The following MEP1A variants were observed in gnomAD, a reference collection of about 807,000 sequenced individuals.
MEP1A encodes the protein meprin A subunit alpha, also known as N-benzoyl-L-tyrosyl-P-amino-benzoic acid hydrolase subunit alpha.
MEP1A carries 68 observed loss-of-function variants against 84.5 expected under a neutral mutation model. The ratio of observed to expected loss-of-function variants is 0.80; its 90% CI spans 0.66 to 0.98. MEP1A has a LOEUF of 0.98. Among genes scored for constraint, MEP1A ranks in the 50% least tolerant of loss-of-function variants. MEP1A has a pLI of 0.00. For missense variants in MEP1A, 887 were observed against 919.9 expected, an observed-to-expected ratio of 0.96 and a Z score of 0.46; for synonymous variants, 337 against 336.8, an observed-to-expected ratio of 1.00 and a Z score of -0.01.
chr6:46,800,600 G>T (rs754913822), intron 5 of MEP1A, among the ~76,000 whole-genome samples: 1 of 152,146 alleles, frequency 6.6e-6, no homozygotes, highest in Non-Finnish European at 1.5e-5. Flanking sequence ...GTCACCTTTA[G>T]TGTTAAAGTT....
At chr6:46,814,733 A>C (rs1465449830) in intron 6 of MEP1A, among the ~76,000 whole-genome samples, 2 of 152,088 alleles carry the variant, frequency 1.3e-5, no homozygotes, top group Non-Finnish European at 2.9e-5. Context: ...TTTGTCCCAC[A>C]GGGTGCTCCC....
At chr6:46,843,841 T>C (rs1768374341), downstream of MEP1A, among the ~76,000 whole-genome samples, 1 of 152,220 alleles carries the variant, frequency 6.6e-6, no homozygotes, top group South Asian at 2.1e-4. Context: ...TGTATTTGGG[T>C]AAACTGAGGC....
chr6:46,835,110 C>A, intron 12 of MEP1A, 139 bp from the exon 13 acceptor site: 1 of 733,604 alleles, frequency 1.4e-6, no homozygotes, highest in Non-Finnish European at 2.2e-6. Flanking sequence ...TGGGAATCAG[C>A]TGGATTCAAA....
At chr6:46,842,960 A>G (rs1286506519), downstream of MEP1A, among the ~76,000 whole-genome samples, 1 of 152,172 alleles carries the variant, frequency 6.6e-6, no homozygotes, top group Non-Finnish European at 1.5e-5. Context: ...ATAGCCATCC[A>G]ACCTGTTTTG....
Position 46,825,355 on chromosome 6 carries a change from T to C in MEP1A, c.640T>C (p.Tyr214His). ...CTATGATTATGAGTCTTTGATGCAC[T>C]ACCAGCCTTTCTCATTTAACAAGAA... Reference protein sequence around the residue: ...TPYDYESLMHYQPFSFNKNAS... With the variant: ...TPYDYESLMHHQPFSFNKNAS... The change falls in exon 8 of 14, where the codon TAC (tyrosine) becomes CAC (histidine). Residue 214 changes from tyrosine to histidine, a missense_variant. Transcript: ENST00000230588. The C allele has an allele frequency of 6.2e-7, 1 of 1,613,536 alleles. No homozygotes were observed. The highest frequency in any genetic ancestry group is 8.5e-7 in the Non-Finnish European group (1 of 1,179,594).
At position 46,826,352 on chromosome 6, in the gene MEP1A, A is replaced by T; in HGVS notation, c.779-2A>T. On this transcript the variant is annotated splice_acceptor_variant, in intron 8 of 13. Coordinates refer to ENST00000230588, the MANE Select transcript of MEP1A (RefSeq NM_005588.3). LOFTEE classifies it high-confidence loss of function. ...ACCAGATGATAAAAATATAATTTGC[A>T]GCCACAACTCACACTCTTTTGGACC... 6.3e-7 allele frequency: 1 copy of T among 1,581,180 alleles called. No individual in the cohort carries two copies. The highest frequency in any genetic ancestry group is 8.6e-7 in the Non-Finnish European group (1 of 1,164,802).
At position 46,825,005 on chromosome 6, in the gene MEP1A, AGT is replaced by A. The variant is rs1475106992; in HGVS notation, c.557-266_557-265del. Among the ~76,000 whole-genome samples the A allele has an allele frequency of 6.8e-3, 453 of 66,574 alleles. 34 individuals carry two copies. The highest frequency in any genetic ancestry group is 0.019 in the African/African-American group (335 of 17,592). The allele number at this position is 66,574 out of a possible 152,430, so 43.7% of individuals were successfully genotyped here. A position where few individuals can be genotyped will look rare whatever the true frequency, so the allele number is the denominator to read the frequency against. On this transcript the variant is annotated intron_variant, in intron 7 of 13. Coordinates refer to ENST00000230588, the MANE Select transcript of MEP1A (RefSeq NM_005588.3). The stretch of plus-strand genomic sequence containing the variant: ...TTATATATTTAAATAGATCTATTTA[AGT>A]ATATATAAATTATATATTTAAATAG...
chr6:46,829,793 T>C (rs1768038527), intron 10 of MEP1A, among the ~76,000 whole-genome samples: 1 of 152,018 alleles, frequency 6.6e-6, no homozygotes, highest in Admixed American at 6.6e-5. Flanking sequence ...ATCTTGGGCT[T>C]AGGTAGGGAT....
intron 5 of MEP1A, among the ~76,000 whole-genome samples, chr6:46,802,808 T>A (rs1476756197): frequency 2.0e-5 from 3 of 151,854 alleles, no homozygotes; most frequent in Non-Finnish European, 4.4e-5. Context: ...TTCCTTATTG[T>A]GTAATATGGT....
chr6:46,824,237 C>T (rs1448822412), intron 7 of MEP1A, among the ~76,000 whole-genome samples: 1 of 151,968 alleles, frequency 6.6e-6, no homozygotes, highest in East Asian at 1.9e-4. Context: ...ATTTTACCTT[C>T]TCTTTCTGAA....
At chr6:46,820,959 C>G (rs1005713031) in intron 7 of MEP1A, among the ~76,000 whole-genome samples, 2 of 152,130 alleles carry the variant, frequency 1.3e-5, no homozygotes, top group African/African-American at 4.8e-5. Flanking sequence ...GTGTAGGTAT[C>G]TGTTTTATTT....
intron 6 of MEP1A, among the ~76,000 whole-genome samples, chr6:46,815,186 G>A (rs1243473392): frequency 3.9e-5 from 6 of 152,170 alleles, no homozygotes; most frequent in South Asian, 2.1e-4. Context: ...GGCTACCAGG[G>A]CAGGTAGAGA....
At chr6:46,838,126 G>A (rs934111425) in intron 13 of MEP1A, among the ~76,000 whole-genome samples, 4 of 149,598 alleles carry the variant, frequency 2.7e-5, no homozygotes, top group African/African-American at 9.9e-5. Context: ...TCAAACTCCT[G>A]ACCTCAGGTG....
intron 9 of MEP1A, 28 bp from the exon 10 acceptor site, chr6:46,829,328 G>C: frequency 6.3e-7 from 1 of 1,593,620 alleles, no homozygotes; most frequent in Non-Finnish European, 8.6e-7. Flanking sequence ...GAAGCCAGAC[G>C]TGTGATGTTT....
chr6:46,822,984 C>G (rs1436030250), intron 7 of MEP1A, among the ~76,000 whole-genome samples: 1 of 152,120 alleles, frequency 6.6e-6, no homozygotes, highest in Admixed American at 6.5e-5. Context: ...AAATGACATC[C>G]TAGGACCAAG....
At chr6:46,842,147 T>C (rs1768342139), downstream of MEP1A, among the ~76,000 whole-genome samples, 1 of 152,182 alleles carries the variant, frequency 6.6e-6, no homozygotes, top group Admixed American at 6.5e-5. Flanking sequence ...CAGCTGAGAA[T>C]GTACATCACC....
At chr6:46,795,067 C>T (rs1767020675) in intron 3 of MEP1A, among the ~76,000 whole-genome samples, 1 of 152,104 alleles carries the variant, frequency 6.6e-6, no homozygotes, top group South Asian at 2.1e-4. Flanking sequence ...AGAAAATTGC[C>T]ACCTTTTTAC....
At chr6:46,816,787 C>T (rs751183670) in intron 6 of MEP1A, among the ~76,000 whole-genome samples, 41 of 152,114 alleles carry the variant, frequency 2.7e-4, no homozygotes, top group Non-Finnish European at 1.3e-4. Flanking sequence ...TGCATGGGAA[C>T]AGGTTGAGGC....
intron 6 of MEP1A, among the ~76,000 whole-genome samples, chr6:46,817,063 T>C (rs1767656718): frequency 6.6e-6 from 1 of 152,116 alleles, no homozygotes; most frequent in South Asian, 2.1e-4. Flanking sequence ...TCCAGTTTTC[T>C]AGGGGAAAAA....
Sources: allele counts gnomAD v4.1 joint callset (sites outside exome capture counted in the v4.1 genomes callset), GRCh38; gene constraint gnomAD v4.1.1; transcripts MANE v1.5; gene names NCBI Gene and HGNC (gene_info 2026-07-23, HGNC 2026-07-21).